The following KCND2 variants were observed in gnomAD, a reference collection of about 807,000 sequenced individuals.
KCND2 encodes the protein A-type voltage-gated potassium channel KCND2.
Under a neutral mutation model 54.4 loss-of-function variants are expected in KCND2, and 16 were observed. That is an observed-to-expected ratio of 0.29 (90% CI 0.20 to 0.45). The LOEUF is 0.45. Ranked by LOEUF, KCND2 falls within the 20% of genes least tolerant of loss-of-function variation. The probability of loss-of-function intolerance (pLI) is 1.00; values close to 1 mark genes in which losing one functional copy is unlikely to be tolerated. For synonymous variants in KCND2, 317 were observed against 310.7 expected (o/e 1.02, Z -0.21); for missense variants, 486 against 824.2 (o/e 0.59, Z 5.02).
chr7:120,412,331 T>TA (rs1477972112), intron 1 of KCND2, among the ~76,000 whole-genome samples: 1 of 152,058 alleles, frequency 6.6e-6, no homozygotes, highest in African/African-American at 2.4e-5. Flanking sequence ...ATCTTACTCT[T>TA]AAGAGTCTCA....
chr7:120,491,961 AC>A (rs1158353762), intron 1 of KCND2, among the ~76,000 whole-genome samples: 1 of 152,122 alleles, frequency 6.6e-6, no homozygotes, highest in African/African-American at 2.4e-5. Flanking sequence ...ATCTAATCAA[AC>A]TTTTAATTGA....
chr7:120,352,459 TAC>T (rs199700951), intron 1 of KCND2, among the ~76,000 whole-genome samples: 23,959 of 148,032 alleles, frequency 0.16, 2,355 homozygotes, highest in African/African-American at 0.27. Flanking sequence ...CACACATACA[TAC>T]ACACACACAC....
At chr7:120,341,268 G>T (rs548287746) in intron 1 of KCND2, among the ~76,000 whole-genome samples, 1 of 152,210 alleles carries the variant, frequency 6.6e-6, no homozygotes, top group Admixed American at 6.5e-5. Flanking sequence ...AGAGTACATG[G>T]ACTGGTTAAA....
In KCND2 at chr7:120,308,118, C is replaced by A. The variant is rs559173093; in HGVS notation, c.1115+32371C>A. On this transcript the variant is annotated intron_variant, in intron 1 of 5. Coordinates refer to ENST00000331113, the MANE Select transcript of KCND2 (RefSeq NM_012281.3). ...GACTATCTCAAACCCAGAACTCTTT[C>A]GTGTACTTTTTACTGAAATACCACT... 4.9e-4 allele frequency among the ~76,000 whole-genome samples: 75 copies of A among 152,076 alleles called. 1 individual carries two copies. In the South Asian group the frequency reaches 0.015, roughly 30 times the overall value.
chr7:120,600,917 G>A (rs1397930962), intron 1 of KCND2, among the ~76,000 whole-genome samples: 1 of 151,962 alleles, frequency 6.6e-6, no homozygotes, highest in Non-Finnish European at 1.5e-5. Context: ...ACCCCATTAT[G>A]TACTATACAT....
intron 1 of KCND2, among the ~76,000 whole-genome samples, chr7:120,317,407 A>T (rs1799828660): frequency 6.6e-6 from 1 of 152,124 alleles, no homozygotes; most frequent in African/African-American, 2.4e-5. Flanking sequence ...TACCTAACTC[A>T]TGTCAATTGT....
chr7:120,375,073 A>G (rs927027147), intron 1 of KCND2, among the ~76,000 whole-genome samples: 2 of 151,842 alleles, frequency 1.3e-5, no homozygotes, highest in African/African-American at 4.8e-5. Context: ...TGCCAGGAAC[A>G]TATTAGGTAC....
rs1792939060 is a variant in KCND2, at chr7:120,741,406, T to C, written c.1279-128T>C. On this transcript the variant is annotated intron_variant, in intron 2 of 5. Transcript: ENST00000331113. ...AAGGTAGAGAGGTAATTTTCAATAG[T>C]TGCATTTGAAAAGCTGGCTTACTTT... 1.1e-5 allele frequency: 8 copies of C among 700,770 alleles called. 1 individual carries two copies. The East Asian group carries it at 2.2e-4, about 19-fold the overall frequency. 43.4% of individuals were successfully genotyped at this position (700,770 alleles called of 1,614,324 possible). A position where few individuals can be genotyped will look rare whatever the true frequency, so the allele number is the denominator to read the frequency against.
chr7:120,630,096 A>G (rs1793214777), intron 1 of KCND2, among the ~76,000 whole-genome samples: 1 of 152,146 alleles, frequency 6.6e-6, no homozygotes, highest in Non-Finnish European at 1.5e-5. Context: ...GGGAAGATAA[A>G]TAAGATGGCC....
intron 1 of KCND2, among the ~76,000 whole-genome samples, chr7:120,712,633 G>A (rs1402740670): frequency 6.6e-6 from 1 of 152,068 alleles, no homozygotes; most frequent in Non-Finnish European, 1.5e-5. Context: ...TAGATAAGGA[G>A]AACAGACAAA....
At chr7:120,301,457 C>T (rs144867112) in intron 1 of KCND2, among the ~76,000 whole-genome samples, 192 of 152,030 alleles carry the variant, frequency 1.3e-3, no homozygotes, top group Non-Finnish European at 2.3e-3. Flanking sequence ...TTTGATAAGT[C>T]GCCATCTAAA....
chr7:120,445,343 T>C (rs1802004690), intron 1 of KCND2, among the ~76,000 whole-genome samples: 1 of 152,178 alleles, frequency 6.6e-6, no homozygotes, highest in African/African-American at 2.4e-5. Context: ...ACATAGAAAT[T>C]CAAAAGTAAT....
intron 2 of KCND2, among the ~76,000 whole-genome samples, chr7:120,734,199 A>G (rs112164125): frequency 0.075 from 11,396 of 152,174 alleles, 782 homozygotes; most frequent in African/African-American, 0.19. Flanking sequence ...CAGTTTGAAC[A>G]GTTGGCCCCC....
At chr7:120,554,447 A>G (rs1792137879) in intron 1 of KCND2, among the ~76,000 whole-genome samples, 1 of 150,732 alleles carries the variant, frequency 6.6e-6, no homozygotes, top group African/African-American at 2.4e-5. Context: ...CTCTCTCTGT[A>G]GCCCAGGCTG....
chr7:120,381,651 C>T lies in KCND2; in HGVS notation c.1115+105904C>T, dbSNP rs912935248. ...ATTTCAGTTATACCTGGGGAAGATT[C>T]GATTATCCTCAGAGAGAAGTAAGAT... On this transcript the variant is annotated intron_variant, in intron 1 of 5. Transcript: ENST00000331113. Among the ~76,000 whole-genome samples, 6 of 151,846 alleles carry T rather than the reference C, an allele frequency of 4.0e-5. No homozygotes were observed. The East Asian group carries it at 5.8e-4, about 15-fold the overall frequency.
intron 1 of KCND2, among the ~76,000 whole-genome samples, chr7:120,451,204 G>A (rs531360919): frequency 1.3e-5 from 2 of 152,244 alleles, no homozygotes; most frequent in Admixed American, 1.3e-4. Flanking sequence ...TGGCCCCTGA[G>A]TCTGCCTGCA....
chr7:120,456,335 A>T (rs1354851646), intron 1 of KCND2, among the ~76,000 whole-genome samples: 1 of 152,220 alleles, frequency 6.6e-6, no homozygotes, highest in Non-Finnish European at 1.5e-5. Flanking sequence ...AAGTAATGGC[A>T]TCAGTTTGGA....
chr7:120,666,916 A>G (rs564735522), intron 1 of KCND2, among the ~76,000 whole-genome samples: 6 of 152,250 alleles, frequency 3.9e-5, no homozygotes, highest in African/African-American at 4.8e-5. Flanking sequence ...TTTATTCAAT[A>G]TATCTCAGTT....
chr7:120,692,074 A>T (rs1792276883), intron 1 of KCND2, among the ~76,000 whole-genome samples: 1 of 152,178 alleles, frequency 6.6e-6, no homozygotes. Flanking sequence ...CTGGAATGCA[A>T]CAGAGAGAGA....
Sources: allele counts gnomAD v4.1 joint callset (sites outside exome capture counted in the v4.1 genomes callset), GRCh38; gene constraint gnomAD v4.1.1; transcripts MANE v1.5; gene names NCBI Gene and HGNC (gene_info 2026-07-23, HGNC 2026-07-21).